HACD4: variants seen among roughly 807,000 people sequenced by gnomAD.
HACD4 encodes very-long-chain (3R)-3-hydroxyacyl-CoA dehydratase 4.
In HACD4, 35 loss-of-function variants were observed where a neutral mutation model predicts 33.3. The observed-to-expected ratio is 1.05, with a 90% confidence interval of 0.80 to 1.39. The LOEUF (loss-of-function observed/expected upper bound fraction) is 1.39. Ranked by LOEUF, HACD4 falls within the 40% of genes most tolerant of loss-of-function variation. HACD4 has a pLI of 0.00. For synonymous variants in HACD4, 118 were observed against 98.0 expected (o/e 1.20, Z -1.21); for missense variants, 323 against 276.5 (o/e 1.17, Z -1.19).
chr9:21,016,631 G>T, intron 3 of HACD4, among the ~76,000 whole-genome samples: 1 of 151,044 alleles, frequency 6.6e-6, no homozygotes, highest in Non-Finnish European at 1.5e-5. Context: ...GTGCCCAGGG[G>T]AGTAATGTGA....
At chr9:21,031,365 C>A in intron 1 of HACD4, 188 bp downstream of exon 1, 1 of 686,444 alleles carries the variant, frequency 1.5e-6, no homozygotes, top group Non-Finnish European at 1.8e-6. Flanking sequence ...GAGCCTGCTT[C>A]CTAGGGTGGT....
intron 1 of HACD4, 72 bp downstream of exon 1, chr9:21,031,481 G>T: frequency 7.2e-7 from 1 of 1,397,914 alleles, no homozygotes; most frequent in Non-Finnish European, 9.3e-7. Flanking sequence ...CCCGCCCGCC[G>T]CAGAGGGGAG....
Position 21,029,353 on chromosome 9 carries a change from G to A in HACD4, c.84C>T (p.Phe28=). 7 of 1,601,856 alleles carry A rather than the reference G, an allele frequency of 4.4e-6. No homozygotes were observed. Among genetic ancestry groups the A allele is most frequent in the Non-Finnish European group, 6.0e-6 (7 of 1,170,272 alleles). ...TTGTAAATATCCAAGAGTGGCCACA[G>A]AACTGGATTAAGTAATAGATGAAAA... ...AYLFIYYLIQ[F]CGHSWIFTNM... Residue 28 remains phenylalanine (F), a synonymous_variant, in exon 2 of 7, where the codon TTC becomes TTT. Coordinates refer to ENST00000495827, the MANE Select transcript of HACD4 (RefSeq NM_001010915.5).
Position 21,001,079 on chromosome 9 carries a change from A to C in HACD4, c.*5958T>G, listed in dbSNP as rs1466618897. The C allele has an allele frequency of 6.6e-6, 1 of 152,132 alleles. No homozygotes were observed. The highest frequency in any genetic ancestry group is 2.4e-5 in the African/African-American group (1 of 41,460). The allele number at this position is 152,132 out of a possible 1,614,324, so 9.4% of individuals were successfully genotyped here. ...GAAACAGGAAAGTATGTCCCTTTCA[A>C]ATGAAAACAAAAACAAAAACTATCT... On this transcript the variant is annotated 3_prime_UTR_variant, in exon 7 of 7. Coordinates refer to ENST00000495827, the MANE Select transcript of HACD4 (RefSeq NM_001010915.5).
chr9:21,030,895 A>T (rs980242885), intron 1 of HACD4, among the ~76,000 whole-genome samples: 4 of 152,230 alleles, frequency 2.6e-5, no homozygotes, highest in African/African-American at 9.6e-5. Flanking sequence ...CTGGGAGTTC[A>T]GAAGAGTGAC....
rs375801075 is a variant in HACD4, at chr9:21,011,660, G to C, written c.419C>G (p.Ser140Cys). The change falls in exon 5 of 7, where the codon TCC becomes TGC. Residue 140 changes from serine to cysteine, a missense_variant. Coordinates refer to ENST00000495827, the MANE Select transcript of HACD4 (RefSeq NM_001010915.5). ...ACTGAGCCATGTCAAGACAGCATAG[G>C]ATATTCCTATGACTGATAACATGCT... ...TYSMLSVIGI[S>C]YAVLTWLSQT... 1.9e-6 allele frequency: 3 copies of C among 1,609,342 alleles called. No homozygotes were observed. Among genetic ancestry groups the C allele is most frequent in the Non-Finnish European group, 2.6e-6 (3 of 1,176,276 alleles).
At chr9:21,012,355 T>C (rs1039658422) in intron 4 of HACD4, among the ~76,000 whole-genome samples, 2 of 152,220 alleles carry the variant, frequency 1.3e-5, no homozygotes, top group African/African-American at 4.8e-5. Context: ...AATGGAACTG[T>C]GGTACACCCC....
chr9:21,023,974 T>A (rs895789207), intron 3 of HACD4, among the ~76,000 whole-genome samples: 2 of 152,194 alleles, frequency 1.3e-5, no homozygotes, highest in African/African-American at 2.4e-5. Context: ...TTAACTACAG[T>A]TTCTTCATTT....
rs1842289189 is a variant in HACD4, at chr9:21,007,078, C to G, written c.658G>C (p.Asp220His). Residue 220 changes from aspartate to histidine, a missense_variant, in exon 7 of 7, where the codon GAC becomes CAC. Asp to His is a moderately conservative substitution (Grantham distance 81). Coordinates refer to ENST00000495827, the MANE Select transcript of HACD4 (RefSeq NM_001010915.5). ...TYSHLYSERR[D>H]ILGIFPIKKK... is the part of the protein sequence containing the mutation. ...TTAATGGGAAAGATTCCGAGGATGT[C>G]TCTTCTTTCTGAGTATAGATGACTG... 3 of 1,589,390 alleles carry G rather than the reference C, an allele frequency of 1.9e-6. No individual in the cohort carries two copies. In the South Asian group the frequency reaches 3.3e-5, roughly 18 times the overall value.
chr9:21,022,914 C>T (rs918434438), intron 3 of HACD4, among the ~76,000 whole-genome samples: 14 of 151,976 alleles, frequency 9.2e-5, no homozygotes, highest in African/African-American at 3.1e-4. Flanking sequence ...AAGACACATG[C>T]ACACGTATGT....
chr9:21,019,003 T>C (rs1817831174), intron 3 of HACD4, among the ~76,000 whole-genome samples: 1 of 152,170 alleles, frequency 6.6e-6, no homozygotes, highest in South Asian at 2.1e-4. Flanking sequence ...ACTATTTTAC[T>C]AAAATGAAAA....
In HACD4 at chr9:21,001,016, C is replaced by T. The variant is rs1046367604; in HGVS notation, c.*6021G>A. 1 of 151,738 alleles carries T rather than the reference C, an allele frequency of 6.6e-6. No individual in the cohort carries two copies. The highest frequency in any genetic ancestry group is 1.5e-5 in the Non-Finnish European group (1 of 67,918). 9.4% of individuals were successfully genotyped at this position (151,738 alleles called of 1,614,324 possible). A position where few individuals can be genotyped will look rare whatever the true frequency, so the allele number is the denominator to read the frequency against. ...TAGTTACCATATTATTAGATTGAAA[C>T]GTTCAGTTTTCAGCAAAAAAATAAC... On this transcript the variant is annotated 3_prime_UTR_variant, in exon 7 of 7. Coordinates refer to ENST00000495827, the MANE Select transcript of HACD4 (RefSeq NM_001010915.5).
At chr9:21,012,856 CAG>C (rs2132774958) in intron 4 of HACD4, among the ~76,000 whole-genome samples, 1 of 152,216 alleles carries the variant, frequency 6.6e-6, no homozygotes, top group East Asian at 1.9e-4. Flanking sequence ...GACCTGAGGT[CAG>C]GGGTTCAAGA....
At chr9:21,013,474 T>G (rs971765376) in intron 4 of HACD4, among the ~76,000 whole-genome samples, 3 of 152,184 alleles carry the variant, frequency 2.0e-5, no homozygotes, top group Non-Finnish European at 4.4e-5. Flanking sequence ...CTAAGATTGT[T>G]TTGGCTATTC....
Position 21,004,881 on chromosome 9 carries a change from T to A in HACD4, c.*2156A>T, listed in dbSNP as rs1056544515. On this transcript the variant is annotated 3_prime_UTR_variant, in exon 7 of 7. Coordinates refer to ENST00000495827, the MANE Select transcript of HACD4 (RefSeq NM_001010915.5). This position sits in a 1 kb window ranked among gnomAD's most constrained non-coding sequence, Gnocchi z 4.6. ...TACTGGAAGAGTTTTGAGGTACTAG[T>A]TTTTTTGCTAGAAAAAGCCAGTATT... is the stretch of plus-strand genomic sequence containing the variant. 4.6e-5 allele frequency: 7 copies of A among 152,108 alleles called. No individual in the cohort carries two copies. Among genetic ancestry groups the A allele is most frequent in the African/African-American group, 1.7e-4 (7 of 41,402 alleles). The allele number at this position is 152,108 out of a possible 1,614,324, so 9.4% of individuals were successfully genotyped here.
At position 21,001,542 on chromosome 9, in the gene HACD4, A is replaced by C. The variant is rs530507986; in HGVS notation, c.*5495T>G. On this transcript the variant is annotated 3_prime_UTR_variant, in exon 7 of 7. Transcript: ENST00000495827. The stretch of plus-strand genomic sequence containing the variant: ...GAAGAACAGCCAGATAATGACCAAC[A>C]AACTCCAAGTAGAATGAATTCCAAG... The C allele has an allele frequency of 6.6e-6, 1 of 152,132 alleles. No homozygotes were observed. The highest frequency in any genetic ancestry group is 2.4e-5 in the African/African-American group (1 of 41,524). The allele number at this position is 152,132 out of a possible 1,614,324, so 9.4% of individuals were successfully genotyped here.
chr9:21,012,425 T>A (rs1011425108), intron 4 of HACD4, among the ~76,000 whole-genome samples: 1 of 152,168 alleles, frequency 6.6e-6, no homozygotes, highest in Non-Finnish European at 1.5e-5. Context: ...GACCACACTT[T>A]GAGAACTACT....
intron 5 of HACD4, 134 bp downstream of exon 5, chr9:21,011,455 A>G: frequency 1.5e-6 from 1 of 656,526 alleles, no homozygotes; most frequent in Non-Finnish European, 2.7e-6. Flanking sequence ...ATCAAGGGAA[A>G]TATGCCAGTA....
Position 21,006,592 on chromosome 9 carries a change from T to G in HACD4, c.*445A>C. 1 of 218,616 alleles carries G rather than the reference T, an allele frequency of 4.6e-6. No individual in the cohort carries two copies. Among genetic ancestry groups the G allele is most frequent in the Non-Finnish European group, 9.0e-6 (1 of 111,324 alleles). The allele number at this position is 218,616 out of a possible 1,614,324, so 13.5% of individuals were successfully genotyped here. On this transcript the variant is annotated 3_prime_UTR_variant, in exon 7 of 7. Coordinates refer to ENST00000495827, the MANE Select transcript of HACD4 (RefSeq NM_001010915.5). This position sits in a 1 kb window ranked among gnomAD's most constrained non-coding sequence, Gnocchi z 4.6. ...GACATCTGTCTATGAAATATGTTATTCTAGGCAACTGTGGAATATATTTTC... is the reference window on the plus strand; with the variant it reads ...GACATCTGTCTATGAAATATGTTATGCTAGGCAACTGTGGAATATATTTTC...
Sources: gnomAD v4.1 joint callset for allele counts (sites outside exome capture counted in the v4.1 genomes callset) on GRCh38, gnomAD v4.1.1 for gene constraint, Gnocchi (gnomAD v3.1) non-coding constraint, MANE v1.5 for transcripts, NCBI Gene and HGNC (gene_info 2026-07-23, HGNC 2026-07-21) for gene names.